ADAM12: variants seen among roughly 807,000 people sequenced by gnomAD.
ADAM12 encodes the protein disintegrin and metalloproteinase domain-containing protein 12.
A neutral mutation model predicts 106.4 loss-of-function variants in ADAM12; 70 were observed. The ratio of observed to expected loss-of-function variants is 0.66; its 90% CI spans 0.54 to 0.80. ADAM12 has a LOEUF of 0.80. Ranked by LOEUF, ADAM12 falls within the 30% of genes least tolerant of loss-of-function variation. The pLI is 0.00. For synonymous variants in ADAM12, 420 were observed against 433.5 expected (o/e 0.97, Z 0.39); for missense variants, 1,010 against 1,171.9 (o/e 0.86, Z 2.02).
At chr10:126,292,900 A>C (rs1960217484) in intron 2 of ADAM12, among the ~76,000 whole-genome samples, 1 of 152,260 alleles carries the variant, frequency 6.6e-6, no homozygotes, top group Non-Finnish European at 1.5e-5. Flanking sequence ...GGAAAGCATC[A>C]AAATCGCCTG....
At chr10:126,252,773 G>T (rs1034547419) in intron 3 of ADAM12, among the ~76,000 whole-genome samples, 1 of 152,016 alleles carries the variant, frequency 6.6e-6, no homozygotes, top group East Asian at 1.9e-4. Flanking sequence ...CCGCTTTCTC[G>T]GTGTCTGTTA....
At chr10:126,381,035 G>A (rs893276721) in intron 1 of ADAM12, among the ~76,000 whole-genome samples, 8 of 152,172 alleles carry the variant, frequency 5.3e-5, no homozygotes, top group African/African-American at 1.7e-4. Context: ...AAATGATGTA[G>A]CTACATTCCT....
intron 19 of ADAM12, among the ~76,000 whole-genome samples, chr10:126,038,586 A>G (rs889359117): frequency 6.6e-6 from 1 of 152,248 alleles, no homozygotes; most frequent in Non-Finnish European, 1.5e-5. Context: ...AATGCAGTGT[A>G]GTGACACCTG....
In ADAM12 at chr10:126,118,110, T is replaced by C; in HGVS notation, c.531A>G (p.Gly177=). 6.2e-7 allele frequency: 1 copy of C among 1,614,200 alleles called. No homozygotes were observed. The highest frequency in any genetic ancestry group is 8.5e-7 in the Non-Finnish European group (1 of 1,180,020). Residue 177 remains glycine, a synonymous_variant, in exon 6 of 23, where the codon GGA becomes GGG. Coordinates refer to ENST00000448723, the MANE Select transcript of ADAM12 (RefSeq NM_001288973.2). ...KKLKSVRGSC[G]SHHNTPNLAA... is the part of the protein sequence containing the mutation. Reference sequence around the variant, plus strand: ...CGAGGTTTGGTGTGTTGTGATGTGATCCACATGATCCCCGGACGCTTTTCA... The same window carrying C: ...CGAGGTTTGGTGTGTTGTGATGTGACCCACATGATCCCCGGACGCTTTTCA...
intron 3 of ADAM12, among the ~76,000 whole-genome samples, chr10:126,268,909 A>T (rs1959153683): frequency 6.6e-6 from 1 of 152,190 alleles, no homozygotes; most frequent in Non-Finnish European, 1.5e-5. Flanking sequence ...TACACAAGAA[A>T]GAATTCAGGG....
intron 1 of ADAM12, among the ~76,000 whole-genome samples, chr10:126,335,240 T>C (rs542810296): frequency 6.6e-6 from 1 of 152,362 alleles, no homozygotes; most frequent in South Asian, 2.1e-4. Context: ...AAATAAACTC[T>C]GATGAGATCA....
At position 126,121,383 on chromosome 10, in the gene ADAM12, T is replaced by A. The variant is rs577177373; in HGVS notation, c.417-3159A>T. Among the ~76,000 whole-genome samples the A allele has an allele frequency of 4.0e-5, 5 of 124,956 alleles. 1 individual carries two copies. The South Asian group carries it at 9.3e-4, about 23-fold the overall frequency. 82.0% of individuals were successfully genotyped at this position (124,956 alleles called of 152,430 possible). ...ATATATTACATATGCAATTATATAT[T>A]ATATGCAATATATAATATATTGCAT... On this transcript the variant is annotated intron_variant, in intron 5 of 22. Transcript: ENST00000448723.
intron 6 of ADAM12, among the ~76,000 whole-genome samples, chr10:126,117,396 G>A (rs1307968372): frequency 6.6e-6 from 1 of 152,194 alleles, no homozygotes; most frequent in Admixed American, 6.5e-5. Flanking sequence ...AGATCCAGGG[G>A]CTGGTGGCCA....
intron 3 of ADAM12, among the ~76,000 whole-genome samples, chr10:126,230,293 A>G (rs557945293): frequency 1.3e-5 from 2 of 152,346 alleles, no homozygotes; most frequent in South Asian, 4.1e-4. Flanking sequence ...CCTGCAGCTA[A>G]CACTGCTCCT....
At chr10:126,101,004 A>AG in intron 9 of ADAM12, 68 bp downstream of exon 9, 1 of 1,549,744 alleles carries the variant, frequency 6.5e-7, no homozygotes, top group Middle Eastern at 2.3e-4. Flanking sequence ...GGGGCTGTGC[A>AG]GGTGAAACGA....
chr10:126,387,029 A>G (rs569052349), intron 1 of ADAM12, among the ~76,000 whole-genome samples: 1 of 152,228 alleles, frequency 6.6e-6, no homozygotes, highest in East Asian at 1.9e-4. Flanking sequence ...CAGCAGTGGC[A>G]ATCGCAAAAT....
chr10:126,112,423 G>C (rs1316664763), intron 6 of ADAM12, among the ~76,000 whole-genome samples: 1 of 151,706 alleles, frequency 6.6e-6, no homozygotes, highest in Non-Finnish European at 1.5e-5. Flanking sequence ...TTTCATTTTG[G>C]GGGGTTATGA....
intron 22 of ADAM12, among the ~76,000 whole-genome samples, chr10:126,018,212 G>T (rs1953695803): frequency 6.6e-6 from 1 of 152,204 alleles, no homozygotes; most frequent in African/African-American, 2.4e-5. Context: ...CCCAGGGCCT[G>T]GCCAACACAG....
At chr10:126,019,636 G>A (rs908412831) in intron 22 of ADAM12, 59 bp downstream of exon 22, 23 of 1,583,980 alleles carry the variant, frequency 1.5e-5, no homozygotes, top group African/African-American at 1.3e-4. Context: ...TGGATTAGTC[G>A]TGGTTGGTCC....
chr10:126,149,028 T>C (rs1956680773), intron 4 of ADAM12, among the ~76,000 whole-genome samples: 1 of 152,014 alleles, frequency 6.6e-6, no homozygotes, highest in African/African-American at 2.4e-5. Flanking sequence ...GGACCAGGGA[T>C]TTTCAGGGCC....
intron 5 of ADAM12, among the ~76,000 whole-genome samples, chr10:126,121,172 TACTATATAC>T: frequency 1.0e-5 from 1 of 97,188 alleles, no homozygotes; most frequent in South Asian, 2.7e-4. Flanking sequence ...ATACTATATA[TACTATATAC>T]ACTATATACT....
intron 1 of ADAM12, 93 bp from the exon 2 acceptor site, chr10:126,330,602 T>A (rs942029707): frequency 3.5e-6 from 4 of 1,153,730 alleles, no homozygotes; most frequent in African/African-American, 1.6e-5. Flanking sequence ...GTGAAAATAT[T>A]TGGAAGTTAA....
At chr10:126,173,988 T>A (rs923371837) in intron 3 of ADAM12, among the ~76,000 whole-genome samples, 1 of 149,932 alleles carries the variant, frequency 6.7e-6, no homozygotes, top group African/African-American at 2.5e-5. Flanking sequence ...ACACCTTTTA[T>A]CCAGATTCAT....
chr10:126,168,545 C>A (rs762692020), intron 3 of ADAM12, among the ~76,000 whole-genome samples: 1 of 152,140 alleles, frequency 6.6e-6, no homozygotes, highest in Non-Finnish European at 1.5e-5. Context: ...GGCTTCCATT[C>A]GTCTCACCTA....
Sources: allele counts gnomAD v4.1 joint callset (sites outside exome capture counted in the v4.1 genomes callset), GRCh38; gene constraint gnomAD v4.1.1; transcripts MANE v1.5; gene names NCBI Gene and HGNC (gene_info 2026-07-23, HGNC 2026-07-21).